The following LMTK2 variants were observed in gnomAD, a reference collection of about 807,000 sequenced individuals.
LMTK2 encodes the protein lemur tail kinase 2.
A neutral mutation model predicts 127.5 loss-of-function variants in LMTK2; 37 were observed. The ratio of observed to expected loss-of-function variants is 0.29; its 90% CI spans 0.22 to 0.38. The LOEUF (loss-of-function observed/expected upper bound fraction) is 0.38, where lower values mean the gene tolerates loss of function less well. Ranked by LOEUF, LMTK2 falls within the 10% of genes least tolerant of loss-of-function variation. The pLI, the probability that LMTK2 is intolerant of heterozygous loss-of-function variation, is 1.00. For synonymous variants in LMTK2, 819 were observed against 810.1 expected (o/e 1.01, Z -0.19); for missense variants, 1,694 against 1,920.3 (o/e 0.88, Z 2.20).
In LMTK2 at chr7:98,192,968, C is replaced by T. The variant is rs369160946; in HGVS notation, c.2503C>T (p.Pro835Ser). 20 of 1,614,130 alleles carry T rather than the reference C, an allele frequency of 1.2e-5. No individual in the cohort carries two copies. The highest frequency in any genetic ancestry group is 1.6e-5 in the Non-Finnish European group (19 of 1,180,040). Residue 835 changes from proline (P) to serine (S), a missense_variant, in exon 11 of 14, where the codon CCA (proline) becomes TCA (serine). This residue lies in a region of LMTK2 where 527 missense variants were observed against 539.8 expected (regional missense o/e 0.98). Transcript: ENST00000297293. ...CCGTCGGGTACCCCCAGACTCACTCCCAACACAGGGAGAAACCCAGCCCAC... is the reference window on the plus strand; with the variant it reads ...CCGTCGGGTACCCCCAGACTCACTCTCAACACAGGGAGAAACCCAGCCCAC... ...TPRRVPPDSLPTQGETQPTCL... is the reference protein window; with the variant it reads ...TPRRVPPDSLSTQGETQPTCL...
chr7:98,162,350 G>A (rs1030569733), intron 6 of LMTK2, among the ~76,000 whole-genome samples: 2 of 152,114 alleles, frequency 1.3e-5, no homozygotes, highest in East Asian at 3.8e-4. Flanking sequence ...AAATACATCT[G>A]TTCTTTAACT....
chr7:98,116,334 A>G (rs188311412), intron 1 of LMTK2, among the ~76,000 whole-genome samples: 72 of 152,194 alleles, frequency 4.7e-4, no homozygotes, highest in African/African-American at 1.7e-3. Flanking sequence ...GTAACTGAGG[A>G]TGATGAAGAT....
rs554101691 is a variant in LMTK2 at position 98,144,572 on chromosome 7, A to G, written c.376+3031A>G. 3.5e-4 allele frequency among the ~76,000 whole-genome samples: 54 copies of G among 152,152 alleles called. 1 individual carries two copies. The highest frequency in any genetic ancestry group is 1.2e-3 in the African/African-American group (51 of 41,522). On this transcript the variant is annotated intron_variant, in intron 3 of 13. Transcript: ENST00000297293. The stretch of plus-strand genomic sequence containing the variant: ...CTGGTTTTTCATACACCTTTCTCGA[A>G]TTTGTTGATGCAGGTATCTCCCCTC...
At chr7:98,126,203 T>C (rs1443875665) in intron 1 of LMTK2, among the ~76,000 whole-genome samples, 1 of 152,140 alleles carries the variant, frequency 6.6e-6, no homozygotes, top group Non-Finnish European at 1.5e-5. Flanking sequence ...TCAGCTGTAT[T>C]GTGCAGAAGT....
intron 1 of LMTK2, among the ~76,000 whole-genome samples, chr7:98,124,617 C>T (rs1443477709): frequency 6.6e-6 from 1 of 152,086 alleles, no homozygotes; most frequent in Non-Finnish European, 1.5e-5. Context: ...AAGACCCTGT[C>T]TCTACAAAAA....
chr7:98,190,939 C>G (rs76523088), intron 10 of LMTK2, 62 bp downstream of exon 10: 1 of 1,374,480 alleles, frequency 7.3e-7, no homozygotes, highest in Admixed American at 2.1e-5. Context: ...CCCCAAAACA[C>G]AAAAAAATTC....
intron 2 of LMTK2, among the ~76,000 whole-genome samples, chr7:98,140,440 C>G (rs1323496530): frequency 6.6e-6 from 1 of 152,126 alleles, no homozygotes; most frequent in Non-Finnish European, 1.5e-5. Flanking sequence ...GCATGAGCCA[C>G]TTTGCCTGCC....
chr7:98,115,326 G>A (rs924020854), intron 1 of LMTK2, among the ~76,000 whole-genome samples: 1 of 151,830 alleles, frequency 6.6e-6, no homozygotes, highest in African/African-American at 2.4e-5. Flanking sequence ...TGAGGCAGGA[G>A]AGTCGCTTGA....
intron 3 of LMTK2, among the ~76,000 whole-genome samples, chr7:98,144,358 G>T (rs1456225742): frequency 6.6e-6 from 1 of 151,822 alleles, no homozygotes; most frequent in Non-Finnish European, 1.5e-5. Context: ...GCATGAACCC[G>T]GGAGGCGGAG....
chr7:98,195,977 G>A (rs918584018), intron 11 of LMTK2, among the ~76,000 whole-genome samples: 2 of 152,092 alleles, frequency 1.3e-5, no homozygotes, highest in East Asian at 1.9e-4. Context: ...ATCACCTGAC[G>A]TCGGGAATTC....
At chr7:98,174,611 G>A (rs1194701880) in intron 7 of LMTK2, among the ~76,000 whole-genome samples, 1 of 152,186 alleles carries the variant, frequency 6.6e-6, no homozygotes, top group Non-Finnish European at 1.5e-5. Flanking sequence ...TCTCATGGGC[G>A]GCCTGCCTCC....
At chr7:98,203,418 G>T (rs974328117) in intron 11 of LMTK2, among the ~76,000 whole-genome samples, 156 bp from the exon 12 acceptor site, 1 of 152,264 alleles carries the variant, frequency 6.6e-6, no homozygotes, top group Non-Finnish European at 1.5e-5. Flanking sequence ...ACAGGGCCTA[G>T]TGTCTGTCCG....
At position 98,186,937 on chromosome 7, in the gene LMTK2, T is replaced by C. The variant is rs377439511; in HGVS notation, c.937T>C (p.Leu313=). The change falls in exon 9 of 14, where the codon TTA becomes CTA. Residue 313 remains leucine (L), a synonymous_variant. Transcript: ENST00000297293. ...CCCTCTGCGATGGACTGCTCCAGAATTAGTAACCAGCTTTCAAGACAGACT... is the reference window on the plus strand; with the variant it reads ...CCCTCTGCGATGGACTGCTCCAGAACTAGTAACCAGCTTTCAAGACAGACT... The part of the protein sequence containing the change: ...VFPLRWTAPE[L]VTSFQDRLLT... 3.1e-6 allele frequency: 5 copies of C among 1,613,730 alleles called. No individual in the cohort carries two copies. In the South Asian group the frequency reaches 3.3e-5, roughly 11 times the overall value.
chr7:98,149,728 G>A (rs1332169039), intron 3 of LMTK2, among the ~76,000 whole-genome samples: 2 of 152,108 alleles, frequency 1.3e-5, no homozygotes, highest in African/African-American at 4.8e-5. Flanking sequence ...GACACTAAAA[G>A]CATCATTCAC....
At chr7:98,130,278 G>A (rs1796503502) in intron 1 of LMTK2, among the ~76,000 whole-genome samples, 1 of 152,064 alleles carries the variant, frequency 6.6e-6, no homozygotes, top group African/African-American at 2.4e-5. Flanking sequence ...GGTTAAAGAT[G>A]GCGAGAAGCT....
At chr7:98,138,882 C>T (rs976727752) in intron 2 of LMTK2, among the ~76,000 whole-genome samples, 1 of 152,172 alleles carries the variant, frequency 6.6e-6, no homozygotes, top group Non-Finnish European at 1.5e-5. Flanking sequence ...GAGATGCTGG[C>T]GCAGGGGCCG....
intron 3 of LMTK2, among the ~76,000 whole-genome samples, chr7:98,148,505 A>T (rs10224176): frequency 0.48 from 67,238 of 140,794 alleles, 18,910 homozygotes; most frequent in Middle Eastern, 0.69. Context: ...AAAAAAAAAA[A>T]AATAATAATA....
rs745353267 is a variant in LMTK2, at chr7:98,154,894, T to G, written c.569+18T>G. 7.1e-7 allele frequency: 1 copy of G among 1,412,408 alleles called. No homozygotes were observed. The allele number at this position is 1,412,408 out of a possible 1,614,324, so 87.5% of individuals were successfully genotyped here. On this transcript the variant is annotated intron_variant, in intron 5 of 13. Transcript: ENST00000297293. ...CCTTACTAGTAAGTAAACCTTGTCA[T>G]GTGTTCTGTAAGACTAGTCTGTGGT...
chr7:98,152,151 T>A (rs1796867966), intron 4 of LMTK2, among the ~76,000 whole-genome samples: 1 of 152,210 alleles, frequency 6.6e-6, no homozygotes, highest in Non-Finnish European at 1.5e-5. Context: ...AAATACAGTC[T>A]TACAATGAAG....
Sources: gnomAD v4.1 joint callset for allele counts (sites outside exome capture counted in the v4.1 genomes callset) on GRCh38, gnomAD v4.1.1 for gene constraint, gnomAD v4.1.1 regional missense constraint, MANE v1.5 for transcripts, NCBI Gene and HGNC (gene_info 2026-07-23, HGNC 2026-07-21) for gene names.